Variants in PRDM10 observed in about 807,000 individuals in gnomAD.
PRDM10 encodes the protein PR/SET domain 10.
A neutral mutation model predicts 133.1 loss-of-function variants in PRDM10; 65 were observed. The observed-to-expected ratio is 0.49, with a 90% CI of 0.40 to 0.60. PRDM10 has a LOEUF of 0.60. Ranked by LOEUF, PRDM10 falls within the 20% of genes least tolerant of loss-of-function variation. PRDM10 has a pLI of 0.00. For synonymous variants in PRDM10, 582 were observed against 580.4 expected (o/e 1.00, Z -0.04); for missense variants, 1,137 against 1,507.1 (o/e 0.75, Z 4.07).
chr11:129,992,168 A>G (rs1184084779), intron 1 of PRDM10, among the ~76,000 whole-genome samples: 1 of 152,216 alleles, frequency 6.6e-6, no homozygotes, highest in Admixed American at 6.5e-5. Context: ...TAAAGACCAC[A>G]AAAATAGAAT....
At chr11:129,940,968 T>A (rs1951186649) in intron 7 of PRDM10, among the ~76,000 whole-genome samples, 2 of 152,246 alleles carry the variant, frequency 1.3e-5, no homozygotes, top group Admixed American at 1.3e-4. Flanking sequence ...CCTTCACAGT[T>A]AAAAAATATT....
chr11:129,940,718 T>G (rs1229022572), intron 7 of PRDM10, among the ~76,000 whole-genome samples: 1 of 152,244 alleles, frequency 6.6e-6, no homozygotes, highest in African/African-American at 2.4e-5. Flanking sequence ...AACTTTTTTT[T>G]ACTATTTGTT....
At chr11:129,985,800 AAAAAAAAAAATATATATAT>A (rs1203611554) in intron 1 of PRDM10, among the ~76,000 whole-genome samples, 15 of 117,740 alleles carry the variant, frequency 1.3e-4, no homozygotes, top group African/African-American at 6.4e-4. Context: ...AAAAAAAAAA[AAAAAAAAAAATATATATAT>A]ATATATATAT....
chr11:129,980,540 AAAAATTGTCTCCCAC>A (rs1386133694), intron 1 of PRDM10, among the ~76,000 whole-genome samples: 2 of 152,186 alleles, frequency 1.3e-5, no homozygotes, highest in Non-Finnish European at 2.9e-5. Flanking sequence ...TTGTCCATGG[AAAAATTGTCTCCCAC>A]AAAACAAGTC....
intron 1 of PRDM10, among the ~76,000 whole-genome samples, chr11:129,968,608 C>A (rs1951952906): frequency 6.6e-6 from 1 of 151,794 alleles, no homozygotes. Context: ...GCAATCCTAC[C>A]CCCTCACTAC....
chr11:129,988,515 A>T (rs1034452264), intron 1 of PRDM10, among the ~76,000 whole-genome samples: 1 of 151,886 alleles, frequency 6.6e-6, no homozygotes, highest in African/African-American at 2.4e-5. Context: ...TACAGCCATA[A>T]ATCACCGCAC....
intron 10 of PRDM10, 144 bp downstream of exon 10, chr11:129,931,958 A>C: frequency 9.2e-7 from 1 of 1,091,222 alleles, no homozygotes; most frequent in Non-Finnish European, 1.3e-6. Flanking sequence ...GGCATTATCC[A>C]ATCATTCTTT....
At chr11:129,969,190 C>T (rs999155023) in intron 1 of PRDM10, among the ~76,000 whole-genome samples, 9 of 152,160 alleles carry the variant, frequency 5.9e-5, no homozygotes, top group East Asian at 1.9e-4. Context: ...TTTCTTTCAA[C>T]GAATATACAC....
At chr11:129,972,542 A>G (rs1463023063) in intron 1 of PRDM10, among the ~76,000 whole-genome samples, 2 of 152,210 alleles carry the variant, frequency 1.3e-5, no homozygotes, top group African/African-American at 4.8e-5. Flanking sequence ...TTGAGAACAG[A>G]TCATCTAGAA....
Position 129,942,451 on chromosome 11 carries a change from T to A in PRDM10, c.941A>T (p.Asn314Ile). 6.2e-7 allele frequency: 1 copy of A among 1,614,058 alleles called. No homozygotes were observed. ...GHHVYYTTIK[N>I]VEPKQELKVW... ...CTTCAGTTCCTGCTTGGGCTCCACA[T>A]TTTTTATGGTTGTATAATACACATG... is the stretch of plus-strand genomic sequence containing the variant. Residue 314 changes from asparagine to isoleucine, a missense_variant, in exon 7 of 21, where the codon AAT becomes ATT. This residue lies in a region of PRDM10 where 635 missense variants were observed against 835.2 expected (regional missense o/e 0.76). Transcript: ENST00000360871.
intron 4 of PRDM10, among the ~76,000 whole-genome samples, chr11:129,951,205 C>A (rs545814068): frequency 6.6e-6 from 1 of 152,306 alleles, no homozygotes; most frequent in Admixed American, 6.5e-5. Context: ...TTACTGAGTG[C>A]TAGGCAGGTA....
intron 7 of PRDM10, among the ~76,000 whole-genome samples, chr11:129,941,133 T>C (rs1951191103): frequency 6.6e-6 from 1 of 152,226 alleles, no homozygotes; most frequent in Non-Finnish European, 1.5e-5. Flanking sequence ...TCCAGGATTC[T>C]TTCTCCCTCA....
chr11:129,964,625 A>G (rs1049878849), intron 1 of PRDM10, among the ~76,000 whole-genome samples: 3 of 152,238 alleles, frequency 2.0e-5, no homozygotes, highest in Non-Finnish European at 4.4e-5. Flanking sequence ...TTCCATATAT[A>G]TACAGACATT....
At chr11:129,988,044 C>A (rs1228084334) in intron 1 of PRDM10, among the ~76,000 whole-genome samples, 8 of 152,072 alleles carry the variant, frequency 5.3e-5, no homozygotes, top group Non-Finnish European at 8.8e-5. Flanking sequence ...CTACATACAA[C>A]ATGGATGAAC....
Position 129,912,114 on chromosome 11 carries a change from G to T in PRDM10, c.2953C>A (p.Pro985Thr). Residue 985 changes from proline (P) to threonine (T), a missense_variant, in exon 18 of 21, where the codon CCT becomes ACT. This residue lies in a region of PRDM10 where 243 missense variants were observed against 259.2 expected (regional missense o/e 0.94). Transcript: ENST00000360871. ...GCGGAGGACGGGGCCGAGGCGGTAG[G>T]CTCGCTGACCTGGATGTGCTGCACC... is the stretch of plus-strand genomic sequence containing the variant. ...IQVQHIQVSE[P>T]TASAPSSAQV... The T allele has an allele frequency of 6.2e-7, 1 of 1,611,860 alleles. No individual in the cohort carries two copies. Among genetic ancestry groups the T allele is most frequent in the Non-Finnish European group, 8.5e-7 (1 of 1,178,994 alleles).
intron 1 of PRDM10, among the ~76,000 whole-genome samples, chr11:129,995,004 A>C (rs1430357363): frequency 1.3e-5 from 2 of 152,210 alleles, no homozygotes; most frequent in African/African-American, 4.8e-5. Flanking sequence ...TCAAAGTCCA[A>C]TTACTATGAC....
intron 1 of PRDM10, among the ~76,000 whole-genome samples, chr11:129,983,587 C>T (rs59338761): frequency 0.063 from 9,628 of 152,174 alleles, 930 homozygotes; most frequent in African/African-American, 0.21. Flanking sequence ...CGTGAGCCAC[C>T]TCGCCCGGCC....
chr11:129,902,690 C>A (rs577745549), intron 20 of PRDM10, among the ~76,000 whole-genome samples, 174 bp from the exon 21 acceptor site: 1 of 152,226 alleles, frequency 6.6e-6, no homozygotes, highest in East Asian at 1.9e-4. Context: ...TAATTGACGA[C>A]AAAGATAAGC....
chr11:129,968,725 C>T (rs1951955842), intron 1 of PRDM10, among the ~76,000 whole-genome samples: 1 of 152,050 alleles, frequency 6.6e-6, no homozygotes, highest in Non-Finnish European at 1.5e-5. Flanking sequence ...CCTCCACCAT[C>T]GCCTGCCCTC....
Sources: gnomAD v4.1 joint callset for allele counts (sites outside exome capture counted in the v4.1 genomes callset) on GRCh38, gnomAD v4.1.1 for gene constraint, gnomAD v4.1.1 regional missense constraint, MANE v1.5 for transcripts, NCBI Gene and HGNC (gene_info 2026-07-23, HGNC 2026-07-21) for gene names.